Variants in SORCS1 observed in about 807,000 individuals in gnomAD.
SORCS1 encodes the protein VPS10 domain-containing receptor SorCS1.
SORCS1 carries 60 observed loss-of-function variants against 146.1 expected under a neutral mutation model. The observed-to-expected ratio is 0.41, with a 90% CI of 0.33 to 0.51. SORCS1 has a LOEUF of 0.51. SORCS1 is among the 20% of genes least tolerant of loss of function. SORCS1 has a pLI of 0.21. For missense variants in SORCS1, 1,352 were observed against 1,487.6 expected (o/e 0.91, Z 1.50); for synonymous variants, 637 against 584.0 (o/e 1.09, Z -1.31).
intron 1 of SORCS1, among the ~76,000 whole-genome samples, chr10:107,124,383 T>C (rs1441997578): frequency 6.6e-6 from 1 of 152,154 alleles, no homozygotes; most frequent in Non-Finnish European, 1.5e-5. Flanking sequence ...CTGGTTCCAA[T>C]GTTAGAATTA....
At chr10:106,949,839 T>C (rs1270044924) in intron 2 of SORCS1, among the ~76,000 whole-genome samples, 1 of 152,138 alleles carries the variant, frequency 6.6e-6, no homozygotes, top group Non-Finnish European at 1.5e-5. Context: ...ACACTGCAGG[T>C]TGTGTGCTGC....
intron 10 of SORCS1, among the ~76,000 whole-genome samples, chr10:106,682,798 C>G (rs1852539851): frequency 6.6e-6 from 1 of 152,196 alleles, no homozygotes; most frequent in South Asian, 2.1e-4. Flanking sequence ...AGTCAAAGCA[C>G]AGCCTGTTCC....
At chr10:107,178,909 G>A in the SORCS1 span, among the ~76,000 whole-genome samples, 1 of 151,992 alleles carries the variant, frequency 6.6e-6, no homozygotes, top group African/African-American at 2.4e-5. Context: ...ATCATGAATA[G>A]TACTGCAATA....
At chr10:107,170,429 A>G in the SORCS1 span, among the ~76,000 whole-genome samples, 1 of 152,214 alleles carries the variant, frequency 6.6e-6, no homozygotes, top group Non-Finnish European at 1.5e-5. Flanking sequence ...TTAAAGGCCA[A>G]TGATTGCAAA....
chr10:106,600,226 T>A (rs966185778), intron 23 of SORCS1: 2 of 631,826 alleles, frequency 3.2e-6, no homozygotes, highest in African/African-American at 4.0e-5. Context: ...TGAAAATAAT[T>A]AACTACTTGG....
chr10:106,859,935 A>T (rs1949948373), intron 2 of SORCS1, among the ~76,000 whole-genome samples: 1 of 152,248 alleles, frequency 6.6e-6, no homozygotes, highest in Non-Finnish European at 1.5e-5. Flanking sequence ...GAAGGTGCTC[A>T]GTGTTGCTAG....
At chr10:107,047,349 A>T (rs533668395) in intron 1 of SORCS1, among the ~76,000 whole-genome samples, 1 of 152,248 alleles carries the variant, frequency 6.6e-6, no homozygotes, top group Non-Finnish European at 1.5e-5. Context: ...TTAAAAACAA[A>T]ACTACCATAG....
At chr10:106,832,867 G>GT (rs2064425327) in intron 2 of SORCS1, among the ~76,000 whole-genome samples, 1 of 152,044 alleles carries the variant, frequency 6.6e-6, no homozygotes, top group South Asian at 2.1e-4. Context: ...AGTGTGAAGA[G>GT]TTTCTTATAA....
chr10:107,062,839 G>A (rs547004526), intron 1 of SORCS1, among the ~76,000 whole-genome samples: 5 of 152,314 alleles, frequency 3.3e-5, no homozygotes, highest in Admixed American at 6.5e-5. Context: ...GATGTGTGAA[G>A]ACACAGGTGT....
At chr10:106,742,802 A>T (rs1459562895) in intron 5 of SORCS1, among the ~76,000 whole-genome samples, 3 of 152,186 alleles carry the variant, frequency 2.0e-5, no homozygotes, top group Non-Finnish European at 4.4e-5. Context: ...GTTGTCACTC[A>T]AAAAGTTTCA....
At chr10:106,708,172 G>A (rs915873094) in intron 7 of SORCS1, among the ~76,000 whole-genome samples, 28 of 152,080 alleles carry the variant, frequency 1.8e-4, no homozygotes, top group African/African-American at 3.4e-4. Context: ...GTAACTATTC[G>A]AATGTCCATT....
chr10:107,130,815 A>G (rs1012749260), intron 1 of SORCS1, among the ~76,000 whole-genome samples: 1 of 151,250 alleles, frequency 6.6e-6, no homozygotes, highest in African/African-American at 2.4e-5. Flanking sequence ...TATCTTAACC[A>G]TTTTTCAATG....
intron 6 of SORCS1, among the ~76,000 whole-genome samples, chr10:106,711,261 C>T (rs947920581): frequency 6.6e-6 from 1 of 152,064 alleles, no homozygotes; most frequent in Admixed American, 6.5e-5. Context: ...GTTTTTGATG[C>T]TTAATGAGTA....
intron 6 of SORCS1, among the ~76,000 whole-genome samples, chr10:106,727,913 C>A (rs1856317087): frequency 1.3e-5 from 2 of 152,124 alleles, no homozygotes; most frequent in African/African-American, 4.8e-5. Flanking sequence ...GGCCTGCAGG[C>A]AACGAGTGAG....
At chr10:106,605,250 T>C (rs1846493811) in intron 23 of SORCS1, among the ~76,000 whole-genome samples, 2 of 152,332 alleles carry the variant, frequency 1.3e-5, no homozygotes, top group South Asian at 4.1e-4. Flanking sequence ...ACAAGAAGTC[T>C]AGAGAAAGCA....
intron 8 of SORCS1, among the ~76,000 whole-genome samples, chr10:106,703,488 CAT>C (rs1854280145): frequency 1.3e-5 from 2 of 152,196 alleles, no homozygotes; most frequent in Admixed American, 1.3e-4. Context: ...AAGGAAAACT[CAT>C]TACTTTCCCC....
rs570485609 is a variant in SORCS1 at position 106,758,210 on chromosome 10, T to C, written c.959+3378A>G. On this transcript the variant is annotated intron_variant, in intron 5 of 25. Transcript: ENST00000263054. ...CTTCTTCAAGGAATAGGAAAGAAAATATTGCAATTAGCACTGGCGGAAGCA... is the reference window on the plus strand; with the variant it reads ...CTTCTTCAAGGAATAGGAAAGAAAACATTGCAATTAGCACTGGCGGAAGCA... Among the ~76,000 whole-genome samples the C allele has an allele frequency of 2.6e-5, 4 of 152,166 alleles. No individual in the cohort carries two copies. In the South Asian group the frequency reaches 8.3e-4, roughly 32 times the overall value.
At chr10:107,100,559 A>G (rs1964853147) in intron 1 of SORCS1, among the ~76,000 whole-genome samples, 1 of 152,160 alleles carries the variant, frequency 6.6e-6, no homozygotes, top group South Asian at 2.1e-4. Context: ...AGACTTTATG[A>G]TACAGTCAAA....
chr10:107,064,492 T>C (rs1300353469), intron 1 of SORCS1, among the ~76,000 whole-genome samples: 1 of 152,230 alleles, frequency 6.6e-6, no homozygotes, highest in African/African-American at 2.4e-5. Context: ...ACCAGTAAAG[T>C]GACTGCTCTG....
Sources: allele counts gnomAD v4.1 joint callset (sites outside exome capture counted in the v4.1 genomes callset), GRCh38; gene constraint gnomAD v4.1.1; transcripts MANE v1.5; gene names NCBI Gene and HGNC (gene_info 2026-07-23, HGNC 2026-07-21).